DOCK2: variants seen among roughly 807,000 people sequenced by gnomAD.
DOCK2 encodes dedicator of cytokinesis protein 2.
Under a neutral mutation model 248.9 loss-of-function variants are expected in DOCK2, and 87 were observed. The observed-to-expected ratio is 0.35, with a 90% confidence interval of 0.29 to 0.42. The LOEUF is 0.42. Ranked by LOEUF, DOCK2 falls within the 10% of genes least tolerant of loss-of-function variation. The pLI, the probability that DOCK2 is intolerant of heterozygous loss-of-function variation, is 1.00. For missense variants in DOCK2, 1,747 were observed against 2,300.2 expected, an observed-to-expected ratio of 0.76 and a Z score of 4.92; for synonymous variants, 805 against 821.6, an observed-to-expected ratio of 0.98 and a Z score of 0.35.
intron 27 of DOCK2, among the ~76,000 whole-genome samples, chr5:169,954,981 G>A (rs1322759145): frequency 1.3e-5 from 2 of 152,220 alleles, no homozygotes; most frequent in Non-Finnish European, 2.9e-5. Context: ...TGTGCCTCCT[G>A]TGACTTGGCA....
chr5:169,647,783 G>A (rs1243219918), intron 1 of DOCK2, among the ~76,000 whole-genome samples: 1 of 152,102 alleles, frequency 6.6e-6, no homozygotes, highest in African/African-American at 2.4e-5. Context: ...TCCTTAGTGG[G>A]GCCTCTTTTT....
intron 28 of DOCK2, 128 bp from the exon 29 acceptor site, chr5:169,985,700 T>C (rs913726537): frequency 5.3e-6 from 3 of 565,176 alleles, no homozygotes; most frequent in Non-Finnish European, 5.9e-6. Context: ...TTTAATTTAG[T>C]TAATGAAAGG....
chr5:169,805,150 A>AG (rs1205859141), intron 26 of DOCK2, among the ~76,000 whole-genome samples: 1 of 148,154 alleles, frequency 6.7e-6, no homozygotes, highest in Non-Finnish European at 1.5e-5. Context: ...TAGCCCAGGG[A>AG]GGAGGATTAC....
chr5:169,967,862 T>C (rs904859397), intron 27 of DOCK2, among the ~76,000 whole-genome samples: 2 of 152,186 alleles, frequency 1.3e-5, no homozygotes, highest in African/African-American at 4.8e-5. Flanking sequence ...TGGCTTGTGA[T>C]TTATTGAATG....
intron 1 of DOCK2, among the ~76,000 whole-genome samples, chr5:169,642,915 T>C (rs1391688528): frequency 6.6e-6 from 1 of 152,218 alleles, no homozygotes; most frequent in African/African-American, 2.4e-5. Context: ...GTCACCATAC[T>C]GCTCCGCTAA....
chr5:169,972,493 C>CATTATTA (rs11280710), intron 27 of DOCK2, among the ~76,000 whole-genome samples: 114,978 of 151,262 alleles, frequency 0.76, 44,780 homozygotes, highest in African/African-American at 0.94. Context: ...TATTTCAAGG[C>CATTATTA]AATGCCCTTT....
chr5:169,793,899 C>T (rs937469104), intron 25 of DOCK2, among the ~76,000 whole-genome samples: 3 of 152,188 alleles, frequency 2.0e-5, no homozygotes, highest in Non-Finnish European at 4.4e-5. Flanking sequence ...CAGCTGCCTT[C>T]TCCCCGTTCA....
At chr5:169,896,020 C>A (rs1773581422) in intron 27 of DOCK2, among the ~76,000 whole-genome samples, 2 of 152,166 alleles carry the variant, frequency 1.3e-5, no homozygotes, top group South Asian at 4.1e-4. Flanking sequence ...CCTTGGCCAC[C>A]CTCCATGATC....
chr5:169,717,524 C>T (rs890849752), intron 21 of DOCK2, 40 bp downstream of exon 21: 4 of 1,588,256 alleles, frequency 2.5e-6, no homozygotes, highest in East Asian at 2.2e-5. Flanking sequence ...CTCTACCACC[C>T]TCTTGCCCTG....
At chr5:169,774,342 CT>C (rs1400508889) in intron 25 of DOCK2, among the ~76,000 whole-genome samples, 1 of 152,142 alleles carries the variant, frequency 6.6e-6, no homozygotes, top group Non-Finnish European at 1.5e-5. Context: ...AAATAATTAA[CT>C]AGTTTAATTA....
intron 3 of DOCK2, 132 bp from the exon 4 acceptor site, chr5:169,670,410 A>T: frequency 9.6e-7 from 1 of 1,037,892 alleles, no homozygotes; most frequent in Non-Finnish European, 1.3e-6. Context: ...CTCTGGGTTT[A>T]TTCCTTTAAA....
intron 27 of DOCK2, among the ~76,000 whole-genome samples, chr5:169,859,404 T>C (rs528725285): frequency 6.6e-6 from 1 of 152,372 alleles, no homozygotes; most frequent in East Asian, 1.9e-4. Flanking sequence ...TCAAATGTGG[T>C]TTGTGCTGAA....
chr5:170,077,119 G>C (rs945363239), intron 47 of DOCK2, among the ~76,000 whole-genome samples: 11 of 152,236 alleles, frequency 7.2e-5, no homozygotes, highest in Non-Finnish European at 1.6e-4. Flanking sequence ...AAGAGACACA[G>C]AGTGAGGTCC....
chr5:169,692,413 C>A (rs1364504927), intron 9 of DOCK2, among the ~76,000 whole-genome samples: 1 of 151,740 alleles, frequency 6.6e-6, no homozygotes, highest in Admixed American at 6.6e-5. Flanking sequence ...GATTGGAGCA[C>A]AATTCTGTAT....
chr5:169,907,002 G>C (rs577009762), intron 27 of DOCK2, among the ~76,000 whole-genome samples: 1 of 152,322 alleles, frequency 6.6e-6, no homozygotes, highest in South Asian at 2.1e-4. Flanking sequence ...TGGGACTACA[G>C]CAGTGAACAG....
intron 27 of DOCK2, among the ~76,000 whole-genome samples, chr5:169,914,612 G>A (rs553001852): frequency 1.3e-5 from 2 of 152,338 alleles, no homozygotes; most frequent in South Asian, 4.1e-4. Flanking sequence ...TTCATTGGTA[G>A]CATTTTAAGA....
intron 1 of DOCK2, among the ~76,000 whole-genome samples, chr5:169,644,002 T>C (rs1012430584): frequency 1.3e-5 from 2 of 152,082 alleles, no homozygotes; most frequent in African/African-American, 4.8e-5. Context: ...GAAGGACCCT[T>C]CTAAGTAGAA....
Position 170,055,402 on chromosome 5 carries a change from C to T in DOCK2, c.4295+16C>T, listed in dbSNP as rs1193845041. On this transcript the variant is annotated intron_variant, in intron 42 of 51. Coordinates refer to ENST00000520908, the MANE Select transcript of DOCK2 (RefSeq NM_004946.3). ...AGATTATAAAGTAAGACTCGTTGTC[C>T]ACAGGGAAGAAGGATGGGGAAGAGA... 6.2e-7 allele frequency: 1 copy of T among 1,612,912 alleles called. No individual in the cohort carries two copies. The highest frequency in any genetic ancestry group is 8.5e-7 in the Non-Finnish European group (1 of 1,178,984).
chr5:169,965,682 A>G (rs1160807689), intron 27 of DOCK2, among the ~76,000 whole-genome samples: 1 of 152,226 alleles, frequency 6.6e-6, no homozygotes, highest in Non-Finnish European at 1.5e-5. Context: ...CATCCAAGGA[A>G]CAAGAAAGGA....
Sources: allele counts gnomAD v4.1 joint callset (sites outside exome capture counted in the v4.1 genomes callset), GRCh38; gene constraint gnomAD v4.1.1; transcripts MANE v1.5; gene names NCBI Gene and HGNC (gene_info 2026-07-23, HGNC 2026-07-21).